Variants in FSTL5 observed in about 807,000 individuals in gnomAD.
FSTL5 encodes the protein follistatin-related protein 5.
Under a neutral mutation model 89.1 loss-of-function variants are expected in FSTL5, and 62 were observed. That is an observed-to-expected ratio of 0.70 (90% CI 0.57 to 0.86). FSTL5 has a LOEUF of 0.86. Ranked by LOEUF, FSTL5 falls within the 40% of genes least tolerant of loss-of-function variation. The probability of loss-of-function intolerance (pLI) is 0.00; values close to 1 mark genes in which losing one functional copy is unlikely to be tolerated. For synonymous variants in FSTL5, 383 were observed against 346.2 expected, an observed-to-expected ratio of 1.11 and a Z score of -1.18; for missense variants, 1,057 against 1,001.6, an observed-to-expected ratio of 1.06 and a Z score of -0.75.
At chr4:161,798,254 A>G (rs1475955362) in intron 4 of FSTL5, among the ~76,000 whole-genome samples, 1 of 151,644 alleles carries the variant, frequency 6.6e-6, no homozygotes, top group Non-Finnish European at 1.5e-5. Context: ...GGGAGAGTGA[A>G]CAATATTAAT....
At chr4:161,900,500 A>G (rs6835824) in intron 4 of FSTL5, among the ~76,000 whole-genome samples, 142,526 of 151,690 alleles carry the variant, frequency 0.94, 67,435 homozygotes, top group Non-Finnish European at 1. Flanking sequence ...TTAGCCAGGC[A>G]TGGTGGCAGG....
At chr4:161,943,986 T>C (rs948564693) in intron 3 of FSTL5, among the ~76,000 whole-genome samples, 2 of 152,162 alleles carry the variant, frequency 1.3e-5, no homozygotes, top group East Asian at 1.9e-4. Flanking sequence ...TCTCTTTTGA[T>C]AGGTAGAGCA....
At chr4:162,127,174 G>A (rs1206593202) in intron 1 of FSTL5, among the ~76,000 whole-genome samples, 2 of 152,162 alleles carry the variant, frequency 1.3e-5, no homozygotes, top group Non-Finnish European at 2.9e-5. Flanking sequence ...TTTCCCCAAA[G>A]AGCTAAATCT....
At chr4:161,751,121 C>A (rs779034158) in intron 6 of FSTL5, among the ~76,000 whole-genome samples, 1 of 151,820 alleles carries the variant, frequency 6.6e-6, no homozygotes, top group East Asian at 1.9e-4. Context: ...AAAAAAAGAA[C>A]CCTAAAGGCA....
At chr4:161,631,939 C>A (rs1347514475) in intron 7 of FSTL5, among the ~76,000 whole-genome samples, 1 of 152,128 alleles carries the variant, frequency 6.6e-6, no homozygotes, top group Non-Finnish European at 1.5e-5. Context: ...TACCATTTCT[C>A]ATTTAAAGTT....
At chr4:161,615,845 T>C (rs915193061) in intron 7 of FSTL5, among the ~76,000 whole-genome samples, 3 of 152,166 alleles carry the variant, frequency 2.0e-5, no homozygotes, top group Non-Finnish European at 4.4e-5. Flanking sequence ...TCTGACACTA[T>C]CAATATTTTC....
At chr4:161,387,063 T>C (rs1390846955) in intron 15 of FSTL5, 1 of 152,214 alleles carries the variant, frequency 6.6e-6, no homozygotes, top group Non-Finnish European at 1.5e-5. Flanking sequence ...ATTGTTTGTT[T>C]GTTTTGTTGA....
intron 12 of FSTL5, 134 bp from the exon 13 acceptor site, chr4:161,481,303 T>A: frequency 2.1e-6 from 1 of 472,698 alleles, no homozygotes; most frequent in Non-Finnish European, 3.6e-6. Context: ...ATATAAAGTT[T>A]AATTAATAGA....
intron 3 of FSTL5, among the ~76,000 whole-genome samples, chr4:162,025,024 A>G (rs111931381): frequency 7.0e-4 from 106 of 152,196 alleles, no homozygotes; most frequent in African/African-American, 2.5e-3. Flanking sequence ...CTTCCCCCAA[A>G]ATAAGGAAAA....
chr4:161,578,249 G>A (rs1043962376), intron 8 of FSTL5, among the ~76,000 whole-genome samples: 1 of 151,808 alleles, frequency 6.6e-6, no homozygotes, highest in Non-Finnish European at 1.5e-5. Context: ...TACAATGAAA[G>A]AATAAGTAAG....
At chr4:161,921,321 A>T (rs1733989678) in intron 3 of FSTL5, among the ~76,000 whole-genome samples, 1 of 152,114 alleles carries the variant, frequency 6.6e-6, no homozygotes, top group African/African-American at 2.4e-5. Context: ...GAAGAATTAT[A>T]TTTTCTTGTT....
intron 4 of FSTL5, among the ~76,000 whole-genome samples, chr4:161,825,920 G>A (rs184111665): frequency 1.1e-4 from 17 of 151,608 alleles, no homozygotes; most frequent in Non-Finnish European, 2.1e-4. Context: ...TTTCTGTTGG[G>A]TTTGTCTTTG....
At chr4:161,406,240 G>T (rs1731370120) in intron 15 of FSTL5, among the ~76,000 whole-genome samples, 1 of 151,870 alleles carries the variant, frequency 6.6e-6, no homozygotes, top group African/African-American at 2.4e-5. Flanking sequence ...TTGCCTCAAA[G>T]TATTTTCAAA....
chr4:162,124,408 T>C (rs1312625759), intron 1 of FSTL5, among the ~76,000 whole-genome samples: 1 of 152,120 alleles, frequency 6.6e-6, no homozygotes, highest in East Asian at 1.9e-4. Context: ...GCAACTTTCT[T>C]TCTCCATTCT....
intron 3 of FSTL5, among the ~76,000 whole-genome samples, chr4:161,990,930 C>T (rs1380457725): frequency 6.6e-6 from 1 of 152,040 alleles, no homozygotes; most frequent in Admixed American, 6.5e-5. Flanking sequence ...GCTGTCTCCA[C>T]TCACCTGAAG....
intron 8 of FSTL5, among the ~76,000 whole-genome samples, chr4:161,578,231 A>C (rs1191128284): frequency 6.6e-6 from 1 of 152,148 alleles, no homozygotes; most frequent in East Asian, 1.9e-4. Flanking sequence ...TTTAAAGGAA[A>C]ACACAAATAC....
At chr4:161,771,827 A>G (rs768975896) in intron 5 of FSTL5, among the ~76,000 whole-genome samples, 1 of 152,156 alleles carries the variant, frequency 6.6e-6, no homozygotes, top group Admixed American at 6.6e-5. Context: ...TTGGGAGTTT[A>G]AAATTTCACT....
intron 3 of FSTL5, among the ~76,000 whole-genome samples, chr4:161,950,679 C>T (rs1166779185): frequency 6.6e-6 from 1 of 152,122 alleles, no homozygotes; most frequent in Non-Finnish European, 1.5e-5. Context: ...AGTTTGGTTC[C>T]TCTCAAATAT....
At chr4:161,961,709 A>G (rs1445412580) in intron 3 of FSTL5, among the ~76,000 whole-genome samples, 1 of 151,856 alleles carries the variant, frequency 6.6e-6, no homozygotes, top group East Asian at 1.9e-4. Flanking sequence ...AAAAAAAAGA[A>G]CAATATCAAT....
Sources: allele counts gnomAD v4.1 joint callset (sites outside exome capture counted in the v4.1 genomes callset), GRCh38; gene constraint gnomAD v4.1.1; transcripts MANE v1.5; gene names NCBI Gene and HGNC (gene_info 2026-07-23, HGNC 2026-07-21).